The following PRKN variants were observed in gnomAD, a reference collection of about 807,000 sequenced individuals.
PRKN encodes the protein E3 ubiquitin-protein ligase parkin.
A neutral mutation model predicts 59.5 loss-of-function variants in PRKN; 56 were observed. That is an observed-to-expected ratio of 0.94 (90% confidence interval 0.76 to 1.18). The LOEUF is 1.18. Among genes scored for constraint, PRKN ranks in the 50% most tolerant of loss-of-function variants. The probability of loss-of-function intolerance (pLI) is 0.00; values close to 1 mark genes in which losing one functional copy is unlikely to be tolerated. For missense variants in PRKN, 657 were observed against 596.4 expected (o/e 1.10, Z -1.06); for synonymous variants, 250 against 222.1 (o/e 1.13, Z -1.12).
chr6:161,719,839 C>A (rs1265481794), intron 7 of PRKN, among the ~76,000 whole-genome samples: 2 of 152,272 alleles, frequency 1.3e-5, no homozygotes, highest in South Asian at 4.1e-4. Context: ...GCTATGGTGC[C>A]CAAGCTGGTC....
chr6:162,542,905 G>C (rs1254882554), intron 1 of PRKN, among the ~76,000 whole-genome samples: 3 of 152,066 alleles, frequency 2.0e-5, no homozygotes, highest in African/African-American at 7.2e-5. Context: ...GCTCCGCCGA[G>C]TGCCCTAACC....
intron 4 of PRKN, among the ~76,000 whole-genome samples, chr6:162,098,167 T>C (rs1254794046): frequency 6.6e-6 from 1 of 152,210 alleles, no homozygotes. Flanking sequence ...TAGTCTTCAA[T>C]ACTATTTCAT....
Position 161,451,688 on chromosome 6 carries a change from G to C in PRKN, c.1084-64811C>G, listed in dbSNP as rs1366349796. ...TTTTGTACAATGCGGATAAATATTAGAAAGGCCATCCAGGATGCGTCATTT... is the reference window on the plus strand; with the variant it reads ...TTTTGTACAATGCGGATAAATATTACAAAGGCCATCCAGGATGCGTCATTT... On this transcript the variant is annotated intron_variant, in intron 9 of 11. Transcript: ENST00000366898. The surrounding 1 kb of genome is among the most constrained non-coding windows in gnomAD (Gnocchi z 5.9). 3.3e-5 allele frequency among the ~76,000 whole-genome samples: 5 copies of C among 152,196 alleles called. No homozygotes were observed. The highest frequency in any genetic ancestry group is 5.9e-5 in the Non-Finnish European group (4 of 68,034).
chr6:161,565,754 C>T (rs2115470412), intron 8 of PRKN, among the ~76,000 whole-genome samples: 1 of 152,230 alleles, frequency 6.6e-6, no homozygotes, highest in Admixed American at 6.5e-5. Context: ...TAATACATCT[C>T]CTTTCCCTCT....
chr6:162,238,319 C>G (rs547959156), intron 3 of PRKN, among the ~76,000 whole-genome samples: 1 of 152,178 alleles, frequency 6.6e-6, no homozygotes, highest in African/African-American at 2.4e-5. Context: ...CTACACCGTA[C>G]AGCCCAGGTG....
At position 161,388,714 on chromosome 6, in the gene PRKN, G is replaced by A. The variant is rs567762262; in HGVS notation, c.1084-1837C>T. On this transcript the variant is annotated intron_variant, in intron 9 of 11. Transcript: ENST00000366898. This position sits in a 1 kb window ranked among gnomAD's most constrained non-coding sequence, Gnocchi z 4.3. ...AACCAGAAGCTTCCATTTCCTGTTG[G>A]GACACTTGCTCTTGAAGCCCAGCTG... is the stretch of plus-strand genomic sequence containing the variant. Among the ~76,000 whole-genome samples the A allele has an allele frequency of 6.6e-6, 1 of 152,186 alleles. No individual in the cohort carries two copies. The highest frequency in any genetic ancestry group is 1.5e-5 in the Non-Finnish European group (1 of 68,030).
At chr6:162,072,182 G>A (rs1778607035) in intron 4 of PRKN, among the ~76,000 whole-genome samples, 1 of 152,088 alleles carries the variant, frequency 6.6e-6, no homozygotes. Context: ...CAGTTGCTTG[G>A]GAGGCTGAGG....
intron 4 of PRKN, among the ~76,000 whole-genome samples, chr6:162,166,530 C>A (rs1782997220): frequency 6.6e-6 from 1 of 152,134 alleles, no homozygotes; most frequent in Non-Finnish European, 1.5e-5. Flanking sequence ...ATCTGAAAAA[C>A]TGAACTATGA....
intron 1 of PRKN, among the ~76,000 whole-genome samples, chr6:162,553,130 A>C (rs1224752746): frequency 6.6e-6 from 1 of 152,132 alleles, no homozygotes; most frequent in African/African-American, 2.4e-5. Flanking sequence ...ACGCTCTTAC[A>C]ACACAATGTG....
chr6:161,567,121 C>T (rs1406109685), intron 8 of PRKN, among the ~76,000 whole-genome samples: 2 of 150,616 alleles, frequency 1.3e-5, no homozygotes, highest in Non-Finnish European at 2.9e-5. Flanking sequence ...TCACTGCAAC[C>T]TCCACCTCCT....
chr6:161,913,569 G>A (rs138948131), intron 6 of PRKN, among the ~76,000 whole-genome samples: 22 of 152,310 alleles, frequency 1.4e-4, no homozygotes, highest in Admixed American at 3.3e-4. Context: ...CAGAATGGAG[G>A]TGATGTGAGG....
chr6:161,683,226 C>T (rs1413605994), intron 7 of PRKN, among the ~76,000 whole-genome samples: 1 of 152,140 alleles, frequency 6.6e-6, no homozygotes, highest in African/African-American at 2.4e-5. Flanking sequence ...AAAGCTTTCA[C>T]CTGCAGAGAA....
At chr6:161,718,350 C>T (rs917721339) in intron 7 of PRKN, among the ~76,000 whole-genome samples, 1 of 147,760 alleles carries the variant, frequency 6.8e-6, no homozygotes, top group Non-Finnish European at 1.5e-5. Flanking sequence ...CCTAATAATT[C>T]CCATATGACT....
intron 4 of PRKN, among the ~76,000 whole-genome samples, chr6:162,103,102 T>G (rs1327374060): frequency 2.0e-5 from 3 of 148,698 alleles, no homozygotes; most frequent in African/African-American, 7.4e-5. Context: ...GTGTATTAGC[T>G]AAAATAAAAT....
intron 6 of PRKN, among the ~76,000 whole-genome samples, chr6:161,907,372 G>A (rs1042819112): frequency 5.3e-5 from 8 of 152,058 alleles, no homozygotes; most frequent in Non-Finnish European, 7.4e-5. Context: ...TTATTGTTGA[G>A]GCAATCAGCA....
intron 7 of PRKN, chr6:161,716,137 C>A: frequency 7.5e-7 from 1 of 1,338,050 alleles, no homozygotes; most frequent in Non-Finnish European, 9.9e-7. Context: ...AGTTCCTGGT[C>A]AAATAGAATA....
At chr6:161,490,510 C>T (rs572912945) in intron 9 of PRKN, among the ~76,000 whole-genome samples, 6 of 151,506 alleles carry the variant, frequency 4.0e-5, no homozygotes, top group Non-Finnish European at 5.9e-5. Flanking sequence ...CCTGTCTCAG[C>T]CTCCCAAGTA....
At position 162,413,189 on chromosome 6, in the gene PRKN, C is replaced by G. The variant is rs866638968; in HGVS notation, c.171+30121G>C. Among the ~76,000 whole-genome samples the G allele has an allele frequency of 4.6e-5, 7 of 152,138 alleles. No individual in the cohort carries two copies. The South Asian group carries it at 1.0e-3, about 23-fold the overall frequency. On this transcript the variant is annotated intron_variant, in intron 2 of 11. Coordinates refer to ENST00000366898, the MANE Select transcript of PRKN (RefSeq NM_004562.3). ...TGCCTATATAATTGGCTTTAAAAGACTAAAAACTCTCTGTACAGTCTGTTT... is the reference window on the plus strand; with the variant it reads ...TGCCTATATAATTGGCTTTAAAAGAGTAAAAACTCTCTGTACAGTCTGTTT...
At chr6:162,026,668 T>C (rs910786209) in intron 5 of PRKN, among the ~76,000 whole-genome samples, 2 of 152,186 alleles carry the variant, frequency 1.3e-5, no homozygotes, top group East Asian at 1.9e-4. Flanking sequence ...GCTTTGCTTT[T>C]TTTTCCCCCC....
Sources: gnomAD v4.1 joint callset for allele counts (sites outside exome capture counted in the v4.1 genomes callset) on GRCh38, gnomAD v4.1.1 for gene constraint, Gnocchi (gnomAD v3.1) non-coding constraint, MANE v1.5 for transcripts, NCBI Gene and HGNC (gene_info 2026-07-23, HGNC 2026-07-21) for gene names.